Variants in SIPA1L3 observed in about 807,000 individuals in gnomAD.
The protein encoded by SIPA1L3 is signal induced proliferation associated 1 like 3.
In SIPA1L3, 59 loss-of-function variants were observed where a neutral mutation model predicts 150.1. The ratio of observed to expected loss-of-function variants is 0.39; its 90% CI spans 0.32 to 0.49. The LOEUF (loss-of-function observed/expected upper bound fraction) is 0.49, where lower values mean the gene tolerates loss of function less well. Ranked by LOEUF, SIPA1L3 falls within the 20% of genes least tolerant of loss-of-function variation. The pLI is 0.86. For missense variants in SIPA1L3, 2,211 were observed against 2,489.5 expected (o/e 0.89, Z 2.38); for synonymous variants, 1,070 against 1,077.6 (o/e 0.99, Z 0.14).
chr19:37,922,757 A>G (rs978123891), intron 1 of SIPA1L3, among the ~76,000 whole-genome samples: 5 of 152,158 alleles, frequency 3.3e-5, no homozygotes, highest in African/African-American at 4.8e-5. Context: ...GGGTGCAGCC[A>G]TGAGGAAAAC....
Position 38,119,610 on chromosome 19 carries a change from C to T in SIPA1L3, c.2596C>T (p.His866Tyr), listed in dbSNP as rs142492888. 2.5e-6 allele frequency: 4 copies of T among 1,614,128 alleles called. No individual in the cohort carries two copies. The African/African-American group carries it at 4.0e-5, about 16-fold the overall frequency. ...KTKARAGAEQ[H>Y]SAGAIAWRVV... ...AAAAGCACGGGCTGGCGCTGAGCAGCACAGTGCAGGGGCCATCGCCTGGAG... is the reference window on the plus strand; with the variant it reads ...AAAAGCACGGGCTGGCGCTGAGCAGTACAGTGCAGGGGCCATCGCCTGGAG... Residue 866 changes from histidine to tyrosine, a missense_variant, in exon 9 of 22, where the codon CAC becomes TAC. Transcript: ENST00000222345.
chr19:38,111,596 C>T (rs1970745838), intron 8 of SIPA1L3, among the ~76,000 whole-genome samples: 2 of 152,232 alleles, frequency 1.3e-5, no homozygotes, highest in Admixed American at 6.5e-5. Flanking sequence ...GGTCTACCAG[C>T]TGCCTCCCTC....
chr19:37,993,242 G>T (rs57665407), intron 1 of SIPA1L3, among the ~76,000 whole-genome samples: 28,971 of 152,134 alleles, frequency 0.19, 3,737 homozygotes, highest in East Asian at 0.66. Context: ...GGGGCTGTGG[G>T]GATCACGAGA....
At chr19:38,133,664 T>C (rs554183353) in intron 10 of SIPA1L3, among the ~76,000 whole-genome samples, 4 of 152,224 alleles carry the variant, frequency 2.6e-5, no homozygotes, top group African/African-American at 9.6e-5. Context: ...CAGGAGAGCA[T>C]AGCAGGAGAG....
rs759665131 is a variant in SIPA1L3 at position 38,142,617 on chromosome 19, G to A, written c.3440G>A (p.Gly1147Glu). ...ACCCCTTACACAGTATCACCAGCAG[G>A]GGCCGACAGAGTCCCTCCCTACCGA... is the stretch of plus-strand genomic sequence containing the variant. ...PETPYTVSPA[G>E]ADRVPPYRQP... Residue 1147 changes from glycine to glutamate, a missense_variant, in exon 12 of 22, where the codon GGG becomes GAG. Around this residue, in one of 5 missense-constraint regions of SIPA1L3, gnomAD observed 806 missense variants for 870.1 expected, o/e 0.93. Coordinates refer to ENST00000222345, the MANE Select transcript of SIPA1L3 (RefSeq NM_015073.3). 6.2e-7 allele frequency: 1 copy of A among 1,613,822 alleles called. No individual in the cohort carries two copies. Among genetic ancestry groups the A allele is most frequent in the Non-Finnish European group, 8.5e-7 (1 of 1,179,934 alleles).
At chr19:38,131,020 G>T (rs1443338754) in intron 10 of SIPA1L3, among the ~76,000 whole-genome samples, 1 of 152,184 alleles carries the variant, frequency 6.6e-6, no homozygotes. Flanking sequence ...CCCTGTGAGG[G>T]GAGAGCCTCA....
chr19:38,083,205 G>GT, intron 3 of SIPA1L3, 106 bp downstream of exon 3: 1 of 1,173,402 alleles, frequency 8.5e-7, no homozygotes, highest in Non-Finnish European at 1.2e-6. Context: ...CTGGCACTGA[G>GT]GATGTGGCGG....
chr19:38,100,514 C>A (rs1289232872), intron 5 of SIPA1L3, among the ~76,000 whole-genome samples: 2 of 152,194 alleles, frequency 1.3e-5, no homozygotes, highest in African/African-American at 2.4e-5. Flanking sequence ...ATTACAGCCA[C>A]ATGCAGACCC....
At chr19:38,133,376 T>A (rs555297575) in intron 10 of SIPA1L3, among the ~76,000 whole-genome samples, 1 of 152,374 alleles carries the variant, frequency 6.6e-6, no homozygotes, top group Admixed American at 6.5e-5. Flanking sequence ...GCTGGAATGC[T>A]TCTAAAAAGA....
intron 2 of SIPA1L3, among the ~76,000 whole-genome samples, chr19:38,080,962 T>G (rs1187560123): frequency 7.4e-6 from 1 of 134,400 alleles, no homozygotes; most frequent in Non-Finnish European, 1.6e-5. Context: ...AGAGCGAGAC[T>G]CTGTCTCAAA....
intron 1 of SIPA1L3, among the ~76,000 whole-genome samples, chr19:38,015,008 C>T (rs1419930495): frequency 6.6e-6 from 1 of 151,858 alleles, no homozygotes; most frequent in East Asian, 1.9e-4. Flanking sequence ...GAGATATGAT[C>T]TGACTGTGTT....
At chr19:38,086,017 A>AAAAC (rs1970122730) in intron 3 of SIPA1L3, among the ~76,000 whole-genome samples, 2 of 151,638 alleles carry the variant, frequency 1.3e-5, no homozygotes, top group Admixed American at 6.6e-5. Flanking sequence ...CAAAACAAAA[A>AAAAC]AAAAACGCTA....
rs768707650 is a variant in SIPA1L3, at chr19:38,082,135, C to T, written c.570C>T (p.Ala190=). 14 of 1,606,284 alleles carry T rather than the reference C, an allele frequency of 8.7e-6. No individual in the cohort carries two copies. The highest frequency in any genetic ancestry group is 1.2e-5 in the Non-Finnish European group (14 of 1,179,184). Residue 190 remains alanine (A), a synonymous_variant, in exon 3 of 22, where the codon GCC becomes GCT. Coordinates refer to ENST00000222345, the MANE Select transcript of SIPA1L3 (RefSeq NM_015073.3). ...AGGACGCGGGGGAGCCGCGGGGGGC[C>T]CGGCACACGGGGGCGCTGCCCCTCT... ...DAEDAGEPRG[A]RHTGALPLFR... is the part of the protein sequence containing the mutation.
chr19:37,986,320 A>G (rs543941898), intron 1 of SIPA1L3, among the ~76,000 whole-genome samples: 2 of 152,368 alleles, frequency 1.3e-5, no homozygotes, highest in East Asian at 1.9e-4. Context: ...GATGTGCTAC[A>G]TAAGTGTTAT....
At chr19:38,145,987 C>A (rs1971697144) in intron 12 of SIPA1L3, among the ~76,000 whole-genome samples, 1 of 152,056 alleles carries the variant, frequency 6.6e-6, no homozygotes, top group Non-Finnish European at 1.5e-5. Flanking sequence ...CTCAGCTTTG[C>A]AATTAGCTAG....
chr19:37,972,085 G>A (rs1209231290), intron 1 of SIPA1L3, among the ~76,000 whole-genome samples: 2 of 151,522 alleles, frequency 1.3e-5, no homozygotes, highest in East Asian at 3.9e-4. Flanking sequence ...CAGTTCTCTT[G>A]GATATCTACA....
intron 1 of SIPA1L3, among the ~76,000 whole-genome samples, chr19:37,995,616 A>T (rs138560155): frequency 1.3e-5 from 2 of 152,152 alleles, no homozygotes; most frequent in African/African-American, 4.8e-5. Flanking sequence ...GGTTAGTAGG[A>T]GTTCTGCCAG....
At chr19:37,916,106 A>C (rs939673020) in intron 1 of SIPA1L3, among the ~76,000 whole-genome samples, 23 of 152,004 alleles carry the variant, frequency 1.5e-4, no homozygotes, top group African/African-American at 4.3e-4. Flanking sequence ...AGCTCACTGC[A>C]ACCTCTGCCT....
At chr19:37,944,220 G>A (rs559738006) in intron 1 of SIPA1L3, among the ~76,000 whole-genome samples, 2 of 152,100 alleles carry the variant, frequency 1.3e-5, no homozygotes, top group South Asian at 4.2e-4. Context: ...GGAGGTTGCA[G>A]TGAGCTGAGA....
Sources: allele counts gnomAD v4.1 joint callset (sites outside exome capture counted in the v4.1 genomes callset), GRCh38; gene constraint gnomAD v4.1.1; regional missense constraint gnomAD v4.1.1; transcripts MANE v1.5; gene names NCBI Gene and HGNC (gene_info 2026-07-23, HGNC 2026-07-21).